ASCC2: variants seen among roughly 807,000 people sequenced by gnomAD.
The protein encoded by ASCC2 is ASC-1 complex subunit P100.
ASCC2 carries 42 observed loss-of-function variants against 93.5 expected under a neutral mutation model. That is an observed-to-expected ratio of 0.45 (90% CI 0.35 to 0.58). ASCC2 has a LOEUF of 0.58. Ranked by LOEUF, ASCC2 falls within the 20% of genes least tolerant of loss-of-function variation. ASCC2 has a pLI of 0.00. For synonymous variants in ASCC2, 364 were observed against 384.2 expected (o/e 0.95, Z 0.62); for missense variants, 859 against 977.6 (o/e 0.88, Z 1.62).
intron 1 of ASCC2, among the ~76,000 whole-genome samples, chr22:29,832,819 T>A (rs548591470): frequency 3.6e-4 from 55 of 152,066 alleles, no homozygotes; most frequent in Non-Finnish European, 1.3e-4. Context: ...TAGCTCACTG[T>A]GGCCTCTAAC....
chr22:29,820,369 G>A lies in ASCC2; in HGVS notation c.541+1966C>T, dbSNP rs116192462. Among the ~76,000 whole-genome samples the A allele has an allele frequency of 7.6e-3, 1,154 of 151,842 alleles. 16 individuals carry two copies. Among genetic ancestry groups the A allele is most frequent in the African/African-American group, 0.026 (1,087 of 41,392 alleles). ...AGTAGAGACGGGGTTTCACTATGTC[G>A]GCCAGATTGGTCACGAACTCCTGAC... On this transcript the variant is annotated intron_variant, in intron 5 of 19. Transcript: ENST00000307790.
At chr22:29,827,577 T>A (rs1192771407) in intron 2 of ASCC2, 1 of 470,950 alleles carries the variant, frequency 2.1e-6, no homozygotes, top group Non-Finnish European at 4.4e-6. Flanking sequence ...ATCAAATTTG[T>A]ATCATGGAGT....
rs1463404430 is a variant in ASCC2, at chr22:29,822,432, T to C, written c.444A>G (p.Glu148=). The C allele has an allele frequency of 6.2e-7, 1 of 1,613,952 alleles. No individual in the cohort carries two copies. ...DHFISPSAFG[E]ILYNNFLFDI... is the part of the protein sequence containing the mutation. ...CAAAGAGGAAGTTATTGTAGAGGATTTCTCCAAACGCAGAAGGGGAAATGA... is the reference window on the plus strand; with the variant it reads ...CAAAGAGGAAGTTATTGTAGAGGATCTCTCCAAACGCAGAAGGGGAAATGA... The change falls in exon 5 of 20, where the codon GAA becomes GAG. Residue 148 remains glutamate, a synonymous_variant. Transcript: ENST00000307790.
Position 29,822,400 on chromosome 22 carries a change from G to C in ASCC2, c.476C>G (p.Pro159Arg). The C allele has an allele frequency of 1.2e-6, 2 of 1,614,076 alleles. No homozygotes were observed. The highest frequency in any genetic ancestry group is 2.2e-5 in the East Asian group (1 of 44,872). The change falls in exon 5 of 20, where the codon CCA becomes CGA. Residue 159 changes from proline (P) to arginine (R), a missense_variant. By Grantham distance (103) the Pro-to-Arg change is moderately radical. Coordinates refer to ENST00000307790, the MANE Select transcript of ASCC2 (RefSeq NM_032204.5). Reference protein sequence around the residue: ...ILYNNFLFDIPKILDLCVLFG... With the variant: ...ILYNNFLFDIRKILDLCVLFG... Reference sequence around the variant, plus strand: ...GAGCACGCAGAGGTCCAGGATCTTTGGAATGTCAAAGAGGAAGTTATTGTA... The same window carrying C: ...GAGCACGCAGAGGTCCAGGATCTTTCGAATGTCAAAGAGGAAGTTATTGTA...
chr22:29,791,642 T>C (rs1192450344), intron 18 of ASCC2, among the ~76,000 whole-genome samples: 2 of 152,088 alleles, frequency 1.3e-5, no homozygotes, highest in Admixed American at 6.5e-5. Flanking sequence ...GATTGCACCA[T>C]TGCACTCCAG....
intron 15 of ASCC2, among the ~76,000 whole-genome samples, chr22:29,793,907 T>A (rs1404939552): frequency 2.6e-5 from 4 of 151,612 alleles, no homozygotes; most frequent in African/African-American, 4.8e-5. Flanking sequence ...CACTGTTTTT[T>A]TTTTTTTTTG....
chr22:29,795,368 T>C (rs148467675), intron 15 of ASCC2, among the ~76,000 whole-genome samples: 2 of 152,348 alleles, frequency 1.3e-5, no homozygotes, highest in East Asian at 3.9e-4. Flanking sequence ...AGCCTGGATC[T>C]CTTAAACAAA....
In ASCC2 at chr22:29,822,520, A is replaced by C. The variant is rs149117405; in HGVS notation, c.412-56T>G. 438 of 1,594,304 alleles carry C rather than the reference A, an allele frequency of 2.7e-4. 1 individual carries two copies. Among genetic ancestry groups the C allele is most frequent in the Non-Finnish European group, 3.5e-4 (404 of 1,168,074 alleles). ...GATTTTCTGAACACTCCTACATTAT[A>C]AATAGCAAACTCATGAGAAACGATC... is the stretch of plus-strand genomic sequence containing the variant. On this transcript the variant is annotated intron_variant, in intron 4 of 19. Coordinates refer to ENST00000307790, the MANE Select transcript of ASCC2 (RefSeq NM_032204.5).
In ASCC2 at chr22:29,815,908, C is replaced by T. The variant is rs11913095; in HGVS notation, c.609+98G>A. ...TGCGAGAGTCAGGGAATAAACATTTCCTCAGCTCCTCCAGGAAAGTCAGGC... is the reference window on the plus strand; with the variant it reads ...TGCGAGAGTCAGGGAATAAACATTTTCTCAGCTCCTCCAGGAAAGTCAGGC... On this transcript the variant is annotated intron_variant, in intron 6 of 19. Transcript: ENST00000307790. The T allele has an allele frequency of 1.3e-5, 13 of 1,018,052 alleles. No individual in the cohort carries two copies. In the African/African-American group the frequency reaches 2.1e-4, roughly 16 times the overall value. 63.1% of individuals were successfully genotyped at this position (1,018,052 alleles called of 1,614,324 possible).
In ASCC2 at chr22:29,790,528, G is replaced by C; in HGVS notation, c.2043C>G (p.Asp681Glu). The part of the protein sequence containing the change: ...EAPKPDHFVQ[D>E]PAVLREKAEA... The stretch of plus-strand genomic sequence containing the variant: ...CTGCCTTCTCTCTCAGCACTGCAGG[G>C]TCCTGAACAAAATGGTCGGGCTGTG... Residue 681 changes from aspartate to glutamate, a missense_variant, in exon 19 of 20, where the codon GAC (aspartate) becomes GAG (glutamate). Asp to Glu is a conservative substitution (Grantham distance 45, BLOSUM62 2). Transcript: ENST00000307790. 1 of 1,614,106 alleles carries C rather than the reference G, an allele frequency of 6.2e-7. No individual in the cohort carries two copies. The highest frequency in any genetic ancestry group is 1.3e-5 in the African/African-American group (1 of 75,058).
chr22:29,831,578 C>A (rs929499817), intron 2 of ASCC2, among the ~76,000 whole-genome samples: 1 of 152,096 alleles, frequency 6.6e-6, no homozygotes, highest in Non-Finnish European at 1.5e-5. Context: ...TTACTCAAAC[C>A]CCTAGAAAAC....
chr22:29,789,178 C>A lies in ASCC2; in HGVS notation c.2109G>T (p.Arg703=), dbSNP rs761111398. Reference sequence around the variant, plus strand: ...CGGCCACTGCTGTTGAGCTGTCATGCCGGTACCTGAGGGAGGAACAACCCA... The same window carrying A: ...CGGCCACTGCTGTTGAGCTGTCATGACGGTACCTGAGGGAGGAACAACCCA... The part of the protein sequence containing the change: ...RMAFLAKKGY[R]HDSSTAVAGS... The change falls in exon 20 of 20, where the codon CGG becomes CGT. Residue 703 remains arginine (R), a synonymous_variant. Transcript: ENST00000307790. The A allele has an allele frequency of 6.2e-7, 1 of 1,614,114 alleles. No individual in the cohort carries two copies. Among genetic ancestry groups the A allele is most frequent in the Admixed American group, 1.7e-5 (1 of 60,018 alleles).
At position 29,807,927 on chromosome 22, in the gene ASCC2, C is replaced by A. The variant is rs78855417; in HGVS notation, c.908+184G>T. On this transcript the variant is annotated intron_variant, in intron 9 of 19. Coordinates refer to ENST00000307790, the MANE Select transcript of ASCC2 (RefSeq NM_032204.5). ...CTGTCTCAAACAACAACAACAACAA[C>A]AAAAAAAAAAACAAATGCAGAGGTC... Among the ~76,000 whole-genome samples the A allele has an allele frequency of 9.2e-3, 1,334 of 145,330 alleles. 11 individuals are homozygous for A. The highest frequency in any genetic ancestry group is 0.045 in the East Asian group (225 of 4,946).
intron 8 of ASCC2, 91 bp from the exon 9 acceptor site, chr22:29,808,276 G>T: frequency 7.5e-7 from 1 of 1,326,478 alleles, no homozygotes; most frequent in Non-Finnish European, 1.1e-6. Flanking sequence ...GAGTGGGAAG[G>T]CCCATTTCTT....
chr22:29,815,853 G>T (rs970569564), intron 6 of ASCC2, among the ~76,000 whole-genome samples, 153 bp downstream of exon 6: 9 of 152,136 alleles, frequency 5.9e-5, no homozygotes, highest in African/African-American at 1.9e-4. Context: ...GGTGTAGTCA[G>T]GGGTAAGACA....
chr22:29,801,677 G>T (rs2059096848), intron 14 of ASCC2, among the ~76,000 whole-genome samples: 1 of 152,164 alleles, frequency 6.6e-6, no homozygotes, highest in Non-Finnish European at 1.5e-5. Flanking sequence ...AATGACAGGG[G>T]CAGGTCAGGA....
intron 9 of ASCC2, among the ~76,000 whole-genome samples, chr22:29,807,853 G>C (rs2079338): frequency 6.6e-6 from 1 of 151,646 alleles, no homozygotes; most frequent in African/African-American, 2.4e-5. Context: ...AGGCTGCAGT[G>C]AGCTGTGACT....
chr22:29,816,462 C>G (rs920441860), intron 5 of ASCC2, among the ~76,000 whole-genome samples: 2 of 152,190 alleles, frequency 1.3e-5, no homozygotes, highest in African/African-American at 4.8e-5. Context: ...GGAAAATTAG[C>G]AGATAGGATC....
intron 5 of ASCC2, among the ~76,000 whole-genome samples, chr22:29,821,649 C>T (rs1434905758): frequency 1.4e-4 from 22 of 152,172 alleles, no homozygotes; most frequent in Admixed American, 1.4e-3. Flanking sequence ...ACATTCGTCG[C>T]CAAAGGAAAC....
Sources: gnomAD v4.1 joint callset for allele counts (sites outside exome capture counted in the v4.1 genomes callset) on GRCh38, gnomAD v4.1.1 for gene constraint, MANE v1.5 for transcripts, NCBI Gene and HGNC (gene_info 2026-07-23, HGNC 2026-07-21) for gene names.